ECE2: variants seen among roughly 807,000 people sequenced by gnomAD.
The protein encoded by ECE2 is endothelin converting enzyme 2.
A neutral mutation model predicts 100.6 loss-of-function variants in ECE2; 81 were observed. The ratio of observed to expected loss-of-function variants is 0.81; its 90% CI spans 0.67 to 0.97. The LOEUF (loss-of-function observed/expected upper bound fraction) is 0.97, where lower values mean the gene tolerates loss of function less well. Ranked by LOEUF, ECE2 falls within the 50% of genes least tolerant of loss-of-function variation. ECE2 has a pLI of 0.00. For missense variants in ECE2, 911 were observed against 988.1 expected (o/e 0.92, Z 1.05); for synonymous variants, 391 against 391.5 (o/e 1.00, Z 0.02).
Position 184,285,005 on chromosome 3 carries a change from T to C in ECE2, c.1048T>C (p.Leu350=). The C allele has an allele frequency of 6.2e-7, 1 of 1,614,206 alleles. No homozygotes were observed. Among genetic ancestry groups the C allele is most frequent in the African/African-American group, 1.3e-5 (1 of 75,058 alleles). The change falls in exon 9 of 19, where the codon TTG becomes CTG. Residue 350 remains leucine (L), a synonymous_variant. Transcript: ENST00000404464. ...SMDWLEFLSF[L]LSPLELSDSE... ...GGACTGGCTTGAGTTCCTGTCTTTC[T>C]TGCTGTCACCATTGGAGTTGAGTGA...
chr3:184,279,755 G>C (rs1012327172), intron 7 of ECE2, among the ~76,000 whole-genome samples: 4 of 152,048 alleles, frequency 2.6e-5, no homozygotes, highest in African/African-American at 9.7e-5. Flanking sequence ...AGGCAGATGA[G>C]AGGCTGGAGA....
rs1577139241 is a variant in ECE2 at position 184,283,292 on chromosome 3, G to A, written c.817-493G>A. 6.6e-5 allele frequency among the ~76,000 whole-genome samples: 10 copies of A among 152,172 alleles called. 2 individuals are homozygous for A. The highest frequency in any genetic ancestry group is 3.9e-4 in the Admixed American group (6 of 15,270). ...GTAAGTAAACATGGCCGGGTGCAGTGGCTCATGCCTGTAATCCCAGCACTT... is the reference window on the plus strand; with the variant it reads ...GTAAGTAAACATGGCCGGGTGCAGTAGCTCATGCCTGTAATCCCAGCACTT... On this transcript the variant is annotated intron_variant, in intron 7 of 18. Coordinates refer to ENST00000404464, the MANE Select transcript of ECE2 (RefSeq NM_001100121.2).
intron 7 of ECE2, chr3:184,279,056 T>G (rs1158050491): frequency 6.3e-6 from 1 of 158,640 alleles, no homozygotes; most frequent in African/African-American, 2.4e-5. Context: ...ACGCCTGTAG[T>G]CCCAGCACTT....
chr3:184,283,676 C>T (rs1006062577), intron 7 of ECE2, 109 bp from the exon 8 acceptor site: 17 of 1,167,862 alleles, frequency 1.5e-5, no homozygotes, highest in Non-Finnish European at 2.0e-5. Flanking sequence ...AGAAAGGCTT[C>T]CAGAAGGATC....
In ECE2 at chr3:184,291,852, G is replaced by C. The variant is rs1470744421; in HGVS notation, c.2122-210G>C. Reference sequence around the variant, plus strand: ...GAGCAAGGACCCAGGCAGAGCCTCCGCTGGGCAGCCACAGCAGGCAGCTTC... The same window carrying C: ...GAGCAAGGACCCAGGCAGAGCCTCCCCTGGGCAGCCACAGCAGGCAGCTTC... On this transcript the variant is annotated intron_variant, in intron 18 of 18. Coordinates refer to ENST00000404464, the MANE Select transcript of ECE2 (RefSeq NM_001100121.2). This position sits in a 1 kb window ranked among gnomAD's most constrained non-coding sequence, Gnocchi z 4.1. 3.4e-6 allele frequency: 2 copies of C among 593,740 alleles called. No individual in the cohort carries two copies. The highest frequency in any genetic ancestry group is 5.8e-6 in the Non-Finnish European group (2 of 342,122). 36.8% of individuals were successfully genotyped at this position (593,740 alleles called of 1,614,324 possible). A position where few individuals can be genotyped will look rare whatever the true frequency, so the allele number is the denominator to read the frequency against.
In ECE2 at chr3:184,291,370, TG is replaced by T; in HGVS notation, c.2056del (p.Glu686ArgfsTer38). ...NAYKAWLRKH[G>X]EEQQLPAVGL... ...CTTACAAAGCATGGCTGAGAAAGCA[TG>T]GGGAGGAGCAGCAACTGCCAGCCGT... On this transcript the variant is annotated frameshift_variant, in exon 18 of 19. Coordinates refer to ENST00000404464, the MANE Select transcript of ECE2 (RefSeq NM_001100121.2). LOFTEE classifies it high-confidence loss of function. The surrounding 1 kb of genome is among the most constrained non-coding windows in gnomAD (Gnocchi z 4.1). 1 of 1,608,890 alleles carries T rather than the reference TG, an allele frequency of 6.2e-7. No individual in the cohort carries two copies. The highest frequency in any genetic ancestry group is 2.2e-5 in the East Asian group (1 of 44,840).
intron 4 of ECE2, 37 bp from the exon 5 acceptor site, chr3:184,277,888 C>T (rs373126214): frequency 1.2e-4 from 186 of 1,605,762 alleles, no homozygotes; most frequent in Non-Finnish European, 1.4e-4. Flanking sequence ...CAGCAGTTAA[C>T]GTAATTGCCA....
chr3:184,276,075 C>T lies in ECE2; in HGVS notation c.-79C>T. ...CCGTGATGGCTGGTGACGGCGGGGCCGGGCAGGGGACCGGGGCCGCGGCCC... is the reference window on the plus strand; with the variant it reads ...CCGTGATGGCTGGTGACGGCGGGGCTGGGCAGGGGACCGGGGCCGCGGCCC... On this transcript the variant is annotated 5_prime_UTR_variant, in exon 1 of 19. Coordinates refer to ENST00000404464, the MANE Select transcript of ECE2 (RefSeq NM_001100121.2). 5 of 1,216,404 alleles carry T rather than the reference C, an allele frequency of 4.1e-6. No homozygotes were observed. The highest frequency in any genetic ancestry group is 5.1e-6 in the Non-Finnish European group (5 of 977,174). 75.4% of individuals were successfully genotyped at this position (1,216,404 alleles called of 1,614,324 possible).
At position 184,285,097 on chromosome 3, in the gene ECE2, G is replaced by C. The variant is rs573178718; in HGVS notation, c.1140G>C (p.Thr380=). The part of the protein sequence containing the change: ...LQQVSELINR[T]EPSILNNYLI... ...AGGTGTCAGAGCTCATCAACCGCAC[G>C]GAACCAAGGTGTGGGGGTAGCCCAG... is the stretch of plus-strand genomic sequence containing the variant. Residue 380 remains threonine (T), a synonymous_variant, in exon 9 of 19, where the codon ACG becomes ACC. Coordinates refer to ENST00000404464, the MANE Select transcript of ECE2 (RefSeq NM_001100121.2). 3.1e-6 allele frequency: 5 copies of C among 1,613,580 alleles called. 1 individual carries two copies. The East Asian group carries it at 8.9e-5, about 29-fold the overall frequency.
intron 4 of ECE2, 118 bp downstream of exon 4, chr3:184,277,584 A>G (rs1385334421): frequency 3.5e-6 from 4 of 1,145,864 alleles, no homozygotes; most frequent in African/African-American, 1.5e-5. Context: ...TTCTGTGAAC[A>G]CTCCAGAGGG....
chr3:184,277,102 C>T, intron 3 of ECE2, 75 bp downstream of exon 3: 6 of 1,604,174 alleles, frequency 3.7e-6, no homozygotes, highest in South Asian at 1.1e-5. Flanking sequence ...AAGATTTTCA[C>T]TTGTGGGAAC....
chr3:184,285,091 C>T lies in ECE2; in HGVS notation c.1134C>T (p.Asn378=), dbSNP rs1459484497. The T allele has an allele frequency of 2.5e-6, 4 of 1,613,934 alleles. No individual in the cohort carries two copies. The East Asian group carries it at 6.7e-5, about 27-fold the overall frequency. The change falls in exon 9 of 19, where the codon AAC becomes AAT. Residue 378 remains asparagine, a synonymous_variant. Coordinates refer to ENST00000404464, the MANE Select transcript of ECE2 (RefSeq NM_001100121.2). The part of the protein sequence containing the change: ...DYLQQVSELI[N]RTEPSILNNY... ...TGCAGCAGGTGTCAGAGCTCATCAA[C>T]CGCACGGAACCAAGGTGTGGGGGTA...
chr3:184,284,026 A>G, intron 8 of ECE2, 53 bp downstream of exon 8: 1 of 1,595,602 alleles, frequency 6.3e-7, no homozygotes, highest in Non-Finnish European at 8.6e-7. Context: ...CTTGGCATGG[A>G]CCACCCAGCT....
At chr3:184,285,214 C>A in intron 9 of ECE2, 109 bp downstream of exon 9, 1 of 1,419,294 alleles carries the variant, frequency 7.0e-7, no homozygotes, top group Non-Finnish European at 9.6e-7. Context: ...TGCTATGGGC[C>A]TTCCAAACAT....
chr3:184,284,929 C>A, intron 8 of ECE2, 34 bp from the exon 9 acceptor site: 3 of 1,603,710 alleles, frequency 1.9e-6, no homozygotes, highest in South Asian at 2.2e-5. Context: ...GGAAGCGAGT[C>A]GGGCAGGCAA....
At position 184,290,304 on chromosome 3, in the gene ECE2, A is replaced by G. The variant is rs894131941; in HGVS notation, c.1601A>G (p.Asn534Ser). 6.2e-7 allele frequency: 1 copy of G among 1,614,024 alleles called. No individual in the cohort carries two copies. Among genetic ancestry groups the G allele is most frequent in the Admixed American group, 1.7e-5 (1 of 59,994 alleles). ...TTCCAAAACATGTTGAATTTGTACA[A>G]CTTCTCTGCCAAGGTTATGGCTGAC... is the stretch of plus-strand genomic sequence containing the variant. ...SFFQNMLNLY[N>S]FSAKVMADQL... is the part of the protein sequence containing the mutation. The change falls in exon 14 of 19, where the codon AAC becomes AGC. Residue 534 changes from asparagine to serine, a missense_variant. By Grantham distance (46) the Asn-to-Ser change is conservative. Coordinates refer to ENST00000404464, the MANE Select transcript of ECE2 (RefSeq NM_001100121.2).
chr3:184,288,726 A>AG, intron 11 of ECE2, among the ~76,000 whole-genome samples: 1 of 152,344 alleles, frequency 6.6e-6, no homozygotes, highest in South Asian at 2.1e-4. Flanking sequence ...ATATCAGGGG[A>AG]GGGAAAAACT....
Position 184,285,774 on chromosome 3 carries a change from G to A in ECE2, c.1263+182G>A, listed in dbSNP as rs186777691. Among the ~76,000 whole-genome samples the A allele has an allele frequency of 3.5e-4, 54 of 152,256 alleles. No individual in the cohort carries two copies. The East Asian group carries it at 9.7e-3, about 27-fold the overall frequency. On this transcript the variant is annotated intron_variant, in intron 10 of 18. Transcript: ENST00000404464. ...TCATTTTCTAGCCTGTAGGACCTTG[G>A]GCAGATCACCTAGCCTCTCTGACTC... is the stretch of plus-strand genomic sequence containing the variant.
chr3:184,289,447 T>G lies in ECE2; in HGVS notation c.1385T>G (p.Met462Arg). ...CCTCCTCCCTCCCAGGCAGAGGGGATGATCAGCGAAATCCGGACCGCATTT... is the reference window on the plus strand; with the variant it reads ...CCTCCTCCCTCCCAGGCAGAGGGGAGGATCAGCGAAATCCGGACCGCATTT... Reference protein sequence around the residue: ...DRQSKEIAEGMISEIRTAFEE... With the variant: ...DRQSKEIAEGRISEIRTAFEE... Residue 462 changes from methionine to arginine, a missense_variant, in exon 12 of 19, where the codon ATG (methionine) becomes AGG (arginine). Met to Arg is a moderately conservative substitution (Grantham distance 91). Transcript: ENST00000404464. This position sits in a 1 kb window ranked among gnomAD's most constrained non-coding sequence, Gnocchi z 4.1. 2 of 1,606,972 alleles carry G rather than the reference T, an allele frequency of 1.2e-6. No individual in the cohort carries two copies. Among genetic ancestry groups the G allele is most frequent in the Non-Finnish European group, 8.5e-7 (1 of 1,177,016 alleles).
Sources: allele counts gnomAD v4.1 joint callset (sites outside exome capture counted in the v4.1 genomes callset), GRCh38; gene constraint gnomAD v4.1.1; non-coding constraint Gnocchi (gnomAD v3.1); transcripts MANE v1.5; gene names NCBI Gene and HGNC (gene_info 2026-07-23, HGNC 2026-07-21).